Variants in CRADD observed in about 807,000 individuals in gnomAD.
The protein encoded by CRADD is CARD and death domain containing adaptor protein, also known as death domain-containing protein CRADD.
CRADD carries 9 observed loss-of-function variants against 15.5 expected under a neutral mutation model. The ratio of observed to expected loss-of-function variants is 0.58; its 90% CI spans 0.35 to 1.01. CRADD has a LOEUF of 1.01. CRADD is among the 50% of genes least tolerant of loss of function. The pLI is 0.02. For missense variants in CRADD, 227 were observed against 250.3 expected (o/e 0.91, Z 0.63); for synonymous variants, 118 against 107.6 (o/e 1.10, Z -0.60).
chr12:93,872,118 A>G (rs1211994440), intron 2 of CRADD, among the ~76,000 whole-genome samples: 1 of 152,142 alleles, frequency 6.6e-6, no homozygotes, highest in Non-Finnish European at 1.5e-5. Context: ...CTGGGATGAG[A>G]TGATATCTCA....
At chr12:93,760,116 G>A (rs1289103304) in intron 2 of CRADD, among the ~76,000 whole-genome samples, 1 of 152,140 alleles carries the variant, frequency 6.6e-6, no homozygotes, top group Non-Finnish European at 1.5e-5. Context: ...AGGATGTTCA[G>A]CTGAAATGGA....
At chr12:93,834,106 C>T (rs756886386) in intron 2 of CRADD, among the ~76,000 whole-genome samples, 4 of 152,164 alleles carry the variant, frequency 2.6e-5, no homozygotes, top group Non-Finnish European at 5.9e-5. Context: ...AGTGCAGAGC[C>T]GGCACGTGAA....
rs1278298064 is a variant in CRADD at position 93,735,625 on chromosome 12, G to C, written c.298+56553G>C. The C allele has an allele frequency of 1.3e-5, 2 of 152,158 alleles. 1 individual carries two copies. Among genetic ancestry groups the C allele is most frequent in the Non-Finnish European group, 2.9e-5 (2 of 68,044 alleles). The allele number at this position is 152,158 out of a possible 1,614,324, so 9.4% of individuals were successfully genotyped here. ...ATTAGAAATAGGAAAAGTCAGTCGA[G>C]TACAGTAGTTCAAGCCTGTAATCCC... On this transcript the variant is annotated intron_variant, in intron 2 of 2. Coordinates refer to ENST00000332896, the MANE Select transcript of CRADD (RefSeq NM_003805.5).
intron 2 of CRADD, among the ~76,000 whole-genome samples, chr12:93,787,710 C>A (rs186542279): frequency 6.6e-6 from 1 of 152,088 alleles, no homozygotes; most frequent in Non-Finnish European, 1.5e-5. Context: ...GATTATTCTG[C>A]CATGATTTAG....
chr12:93,808,896 T>A lies in CRADD; in HGVS notation c.299-41074T>A, dbSNP rs552961985. Among the ~76,000 whole-genome samples, 5 of 151,718 alleles carry A rather than the reference T, an allele frequency of 3.3e-5. No homozygotes were observed. In the South Asian group the frequency reaches 1.0e-3, roughly 31 times the overall value. On this transcript the variant is annotated intron_variant, in intron 2 of 2. Coordinates refer to ENST00000332896, the MANE Select transcript of CRADD (RefSeq NM_003805.5). ...TGAAGGCTTCTTTTTATTATAAACA[T>A]TTTTGTGAAATTTGACTTCTTTTTT...
At chr12:93,849,535 G>A (rs1443966869) in intron 2 of CRADD, among the ~76,000 whole-genome samples, 2 of 152,144 alleles carry the variant, frequency 1.3e-5, no homozygotes, top group Non-Finnish European at 2.9e-5. Flanking sequence ...GAGGTCAGGA[G>A]TTCAAGACCA....
chr12:93,750,254 G>T (rs978981042), intron 2 of CRADD, among the ~76,000 whole-genome samples: 3 of 151,258 alleles, frequency 2.0e-5, no homozygotes, highest in South Asian at 2.1e-4. Flanking sequence ...TGGTTATCAT[G>T]GACAACTGAA....
chr12:93,748,213 A>C (rs1956785515), intron 2 of CRADD, among the ~76,000 whole-genome samples: 1 of 152,168 alleles, frequency 6.6e-6, no homozygotes, highest in Non-Finnish European at 1.5e-5. Context: ...ACCTTCCAGA[A>C]ATCCTTTCCT....
At chr12:93,875,505 A>G (rs1958452015) in intron 2 of CRADD, among the ~76,000 whole-genome samples, 1 of 151,752 alleles carries the variant, frequency 6.6e-6, no homozygotes, top group Non-Finnish European at 1.5e-5. Context: ...GTCTTCCTTT[A>G]GTGAAGGTGA....
intron 2 of CRADD, among the ~76,000 whole-genome samples, chr12:93,784,334 A>G (rs1413063557): frequency 6.6e-6 from 1 of 152,096 alleles, no homozygotes; most frequent in Non-Finnish European, 1.5e-5. Flanking sequence ...AAGTCTTTTG[A>G]ATATCTAATC....
chr12:93,875,328 A>G (rs1958450693), intron 2 of CRADD, among the ~76,000 whole-genome samples: 1 of 151,778 alleles, frequency 6.6e-6, no homozygotes, highest in South Asian at 2.1e-4. Flanking sequence ...CAACATATTA[A>G]TGGGTCTTGT....
intron 2 of CRADD, among the ~76,000 whole-genome samples, chr12:93,779,591 C>CTTTT (rs72096249): frequency 7.3e-6 from 1 of 137,468 alleles, no homozygotes; most frequent in East Asian, 2.1e-4. Flanking sequence ...AAGAAAGAAC[C>CTTTT]TTTTTTTTTT....
At chr12:93,773,813 G>GTTTTTTTTTT (rs3030268) in intron 2 of CRADD, among the ~76,000 whole-genome samples, 2 of 87,550 alleles carry the variant, frequency 2.3e-5, no homozygotes, top group Non-Finnish European at 4.1e-5. Context: ...TACTTTGTGA[G>GTTTTTTTTTT]TTTTTTTTTT....
At chr12:93,771,878 A>G (rs1957089026) in intron 2 of CRADD, among the ~76,000 whole-genome samples, 1 of 152,086 alleles carries the variant, frequency 6.6e-6, no homozygotes, top group Admixed American at 6.5e-5. Context: ...GGGTGCACTT[A>G]TACTTATTTA....
chr12:93,840,273 G>A (rs10859596), intron 2 of CRADD, among the ~76,000 whole-genome samples: 125,533 of 152,222 alleles, frequency 0.82, 52,383 homozygotes, highest in African/African-American at 0.96. Flanking sequence ...TTTTCCCCAT[G>A]AAGGTCTTAT....
intron 2 of CRADD, among the ~76,000 whole-genome samples, chr12:93,759,734 C>T (rs905801334): frequency 6.6e-6 from 1 of 152,074 alleles, no homozygotes; most frequent in African/African-American, 2.4e-5. Flanking sequence ...TACAGGCACC[C>T]TATCTCAGTC....
intron 2 of CRADD, among the ~76,000 whole-genome samples, chr12:93,691,831 T>A (rs1278669515): frequency 6.6e-6 from 1 of 152,048 alleles, no homozygotes; most frequent in Non-Finnish European, 1.5e-5. Flanking sequence ...AATAATTGCA[T>A]GAAGTCAGAA....
intron 1 of CRADD, 109 bp from the exon 2 acceptor site, chr12:93,678,660 T>C (rs1330981813): frequency 8.7e-7 from 1 of 1,155,936 alleles, no homozygotes; most frequent in Non-Finnish European, 1.2e-6. Flanking sequence ...GGCAGTCTGC[T>C]ATGGTTTAAA....
At chr12:93,853,598 T>A (rs1565940263), downstream of CRADD, among the ~76,000 whole-genome samples, 1 of 152,228 alleles carries the variant, frequency 6.6e-6, no homozygotes, top group African/African-American at 2.4e-5. Context: ...GGCTCCCCTC[T>A]ATGCACTCTT....
Sources: allele counts gnomAD v4.1 joint callset (sites outside exome capture counted in the v4.1 genomes callset), GRCh38; gene constraint gnomAD v4.1.1; transcripts MANE v1.5; gene names NCBI Gene and HGNC (gene_info 2026-07-23, HGNC 2026-07-21).